Variants in KDSR observed in about 807,000 individuals in gnomAD.
The protein encoded by KDSR is 3-dehydrosphinganine reductase.
Under a neutral mutation model 41.3 loss-of-function variants are expected in KDSR, and 23 were observed. That is an observed-to-expected ratio of 0.56 (90% CI 0.40 to 0.79). The LOEUF (loss-of-function observed/expected upper bound fraction) is 0.79. Ranked by LOEUF, KDSR falls within the 30% of genes least tolerant of loss-of-function variation. KDSR has a pLI of 0.00. For missense variants in KDSR, 351 were observed against 416.8 expected (o/e 0.84, Z 1.37); for synonymous variants, 138 against 151.7 (o/e 0.91, Z 0.66).
chr18:63,344,551 C>T (rs1914441078), intron 6 of KDSR, 58 bp from the exon 7 acceptor site: 3 of 1,222,576 alleles, frequency 2.5e-6, no homozygotes, highest in Non-Finnish European at 3.6e-6. Context: ...AGGTCCTACA[C>T]TGCCAACCTG....
intron 7 of KDSR, among the ~76,000 whole-genome samples, chr18:63,342,287 T>C (rs1473342549): frequency 6.6e-6 from 1 of 151,746 alleles, no homozygotes; most frequent in East Asian, 1.9e-4. Flanking sequence ...ATATTATAGC[T>C]CCACCAAAAT....
intron 8 of KDSR, among the ~76,000 whole-genome samples, chr18:63,337,094 T>TA (rs1568275938): frequency 3.6e-4 from 14 of 38,702 alleles, no homozygotes; most frequent in African/African-American, 7.9e-4. Flanking sequence ...ATATGTGACT[T>TA]TATATATATA....
At position 63,362,859 on chromosome 18, in the gene KDSR, C is replaced by A. The variant is rs1915029268; in HGVS notation, c.118G>T (p.Gly40Cys). The A allele has an allele frequency of 1.9e-6, 3 of 1,610,298 alleles. No homozygotes were observed. The highest frequency in any genetic ancestry group is 2.5e-6 in the Non-Finnish European group (3 of 1,176,970). ...ATGCACTTCCCGATGCCACTGGAAC[C>A]TCCTGTAACCTAAAACAAAATCATA... ...LPGAHVVVTG[G>C]SSGIGKCIAI... is the part of the protein sequence containing the mutation. Residue 40 changes from glycine to cysteine, a missense_variant, in exon 2 of 10, where the codon GGT (glycine) becomes TGT (cysteine). Transcript: ENST00000645214.
chr18:63,341,920 G>A (rs898548094), intron 7 of KDSR, among the ~76,000 whole-genome samples: 2 of 152,034 alleles, frequency 1.3e-5, no homozygotes, highest in Non-Finnish European at 2.9e-5. Flanking sequence ...GCTTATGCCT[G>A]TAATCCCAGC....
At chr18:63,333,176 C>T (rs1914063151) in intron 9 of KDSR, among the ~76,000 whole-genome samples, 1 of 152,100 alleles carries the variant, frequency 6.6e-6, no homozygotes. Context: ...ACTGTAGCTT[C>T]AGACTTCTGG....
intron 3 of KDSR, among the ~76,000 whole-genome samples, chr18:63,358,595 T>A (rs1914869174): frequency 6.6e-6 from 1 of 152,026 alleles, no homozygotes; most frequent in Non-Finnish European, 1.5e-5. Flanking sequence ...GCAGATCACC[T>A]GAGGTCAGGA....
intron 1 of KDSR, among the ~76,000 whole-genome samples, chr18:63,365,317 T>C (rs1033618764): frequency 6.6e-6 from 1 of 152,258 alleles, no homozygotes; most frequent in Non-Finnish European, 1.5e-5. Flanking sequence ...TTCTTAATTA[T>C]GTATGGGCAG....
intron 2 of KDSR, among the ~76,000 whole-genome samples, chr18:63,360,526 A>G (rs538798851): frequency 6.6e-6 from 1 of 152,334 alleles, no homozygotes; most frequent in Admixed American, 6.5e-5. Flanking sequence ...ATATTGTCCT[A>G]TGACTAAAGA....
intron 2 of KDSR, 68 bp from the exon 3 acceptor site, chr18:63,359,860 A>T: frequency 9.4e-7 from 1 of 1,059,268 alleles, no homozygotes. Context: ...TGCAAAGGAG[A>T]GAAAAAAAGC....
At chr18:63,334,499 C>T (rs1453266808) in intron 9 of KDSR, among the ~76,000 whole-genome samples, 3 of 151,906 alleles carry the variant, frequency 2.0e-5, no homozygotes, top group African/African-American at 4.8e-5. Flanking sequence ...TACAGGCGTC[C>T]GCCACCATGC....
chr18:63,349,618 C>A (rs978013200), intron 6 of KDSR, among the ~76,000 whole-genome samples: 1 of 152,230 alleles, frequency 6.6e-6, no homozygotes, highest in African/African-American at 2.4e-5. Flanking sequence ...TCAGTCCCTA[C>A]GCGGCACATC....
intron 9 of KDSR, among the ~76,000 whole-genome samples, chr18:63,333,027 G>C (rs956905870): frequency 6.6e-6 from 1 of 151,992 alleles, no homozygotes; most frequent in African/African-American, 2.4e-5. Flanking sequence ...AGAAAAAAAA[G>C]AGCCTGGAAA....
In KDSR at chr18:63,333,843, T is replaced by G. The variant is rs182209124; in HGVS notation, c.879+1414A>C. ...CTGCTGCGGCAACCCAGGCCTGGGC[T>G]CCAGAAGCACTGCCAGAATTGCAGA... On this transcript the variant is annotated intron_variant, in intron 9 of 9. Coordinates refer to ENST00000645214, the MANE Select transcript of KDSR (RefSeq NM_002035.4). 5.3e-5 allele frequency among the ~76,000 whole-genome samples: 8 copies of G among 152,228 alleles called. No homozygotes were observed. In the East Asian group the frequency reaches 1.3e-3, roughly 26 times the overall value.
intron 3 of KDSR, among the ~76,000 whole-genome samples, chr18:63,358,872 T>C (rs1599337702): frequency 7.6e-6 from 1 of 131,486 alleles, no homozygotes; most frequent in Admixed American, 7.6e-5. Context: ...TATGTGCATA[T>C]ATGGTAAAAT....
chr18:63,352,114 G>A (rs906100473), intron 5 of KDSR, among the ~76,000 whole-genome samples: 10 of 151,954 alleles, frequency 6.6e-5, no homozygotes, highest in Admixed American at 3.3e-4. Context: ...ATTTTAACTC[G>A]AAAATTTAAT....
chr18:63,359,494 A>C, intron 3 of KDSR: 1 of 393,310 alleles, frequency 2.5e-6, no homozygotes, highest in Non-Finnish European at 4.5e-6. Context: ...ATTAAAATGA[A>C]ATTATTTGCC....
rs775200923 is a variant in KDSR, at chr18:63,344,430, C to T, written c.673G>A (p.Ala225Thr). The change falls in exon 7 of 10, where the codon GCC becomes ACC. Residue 225 changes from alanine to threonine, a missense_variant. By Grantham distance (58) the Ala-to-Thr change is moderately conservative. Coordinates refer to ENST00000645214, the MANE Select transcript of KDSR (RefSeq NM_002035.4). ...CTGACCTTTGTTCTGTTTTCTTCGG[C>T]AAAGCCAGGTGTGTCTGTGTCTGGT... ...YPPDTDTPGF[A>T]EENRTKPLET... The T allele has an allele frequency of 2.5e-6, 4 of 1,613,810 alleles. No individual in the cohort carries two copies. The highest frequency in any genetic ancestry group is 2.5e-6 in the Non-Finnish European group (3 of 1,179,710).
chr18:63,355,645 TC>T, intron 3 of KDSR, 82 bp from the exon 4 acceptor site: 1 of 1,438,686 alleles, frequency 7.0e-7, no homozygotes, highest in Non-Finnish European at 9.1e-7. Flanking sequence ...AAAAGACAGT[TC>T]ATTGAATACA....
intron 6 of KDSR, chr18:63,346,118 A>G (rs1035377456): frequency 1.3e-5 from 2 of 152,156 alleles, no homozygotes; most frequent in African/African-American, 2.4e-5. Context: ...GATCCAGGCC[A>G]GCCATCCTGG....
Sources: allele counts gnomAD v4.1 joint callset (sites outside exome capture counted in the v4.1 genomes callset), GRCh38; gene constraint gnomAD v4.1.1; transcripts MANE v1.5; gene names NCBI Gene and HGNC (gene_info 2026-07-23, HGNC 2026-07-21).